DHRS3: variants seen among roughly 807,000 people sequenced by gnomAD.
DHRS3 encodes dehydrogenase/reductase 3.
A neutral mutation model predicts 27.2 loss-of-function variants in DHRS3; 14 were observed. The observed-to-expected ratio is 0.52, with a 90% CI of 0.34 to 0.81. DHRS3 has a LOEUF of 0.81. Ranked by LOEUF, DHRS3 falls within the 30% of genes least tolerant of loss-of-function variation. The probability of loss-of-function intolerance (pLI) is 0.01; values close to 1 mark genes in which losing one functional copy is unlikely to be tolerated. For synonymous variants in DHRS3, 165 were observed against 175.9 expected, an observed-to-expected ratio of 0.94 and a Z score of 0.49; for missense variants, 322 against 406.2, an observed-to-expected ratio of 0.79 and a Z score of 1.78.
chr1:12,613,910 C>T (rs964667143), intron 1 of DHRS3, among the ~76,000 whole-genome samples: 12 of 152,196 alleles, frequency 7.9e-5, no homozygotes, highest in South Asian at 4.2e-4. Flanking sequence ...GCTGGGATTA[C>T]GGGCGCTTAC....
In DHRS3 at chr1:12,609,373, G is replaced by T. The variant is rs576285265; in HGVS notation, c.195+7781C>A. 2.3e-4 allele frequency among the ~76,000 whole-genome samples: 35 copies of T among 152,310 alleles called. No homozygotes were observed. The South Asian group carries it at 6.2e-3, about 27-fold the overall frequency. On this transcript the variant is annotated intron_variant, in intron 1 of 5. Coordinates refer to ENST00000616661, the MANE Select transcript of DHRS3 (RefSeq NM_004753.7). ...CAGCAAGAAAGATCAGGATCTGGCTGGGAGCAGGGCTGCCCAGCAGAGCCC... is the reference window on the plus strand; with the variant it reads ...CAGCAAGAAAGATCAGGATCTGGCTTGGAGCAGGGCTGCCCAGCAGAGCCC...
chr1:12,610,201 C>G (rs1428559096), intron 1 of DHRS3, among the ~76,000 whole-genome samples: 3 of 152,078 alleles, frequency 2.0e-5, no homozygotes, highest in African/African-American at 7.2e-5. Flanking sequence ...GCCTCAGACT[C>G]CCAAGTAGCT....
chr1:12,599,606 T>G (rs1646822026), intron 1 of DHRS3, among the ~76,000 whole-genome samples: 1 of 152,036 alleles, frequency 6.6e-6, no homozygotes. Context: ...CACTCCCTGC[T>G]CACACTTTTG....
chr1:12,607,345 T>C (rs1484321957), intron 1 of DHRS3, among the ~76,000 whole-genome samples: 1 of 152,174 alleles, frequency 6.6e-6, no homozygotes, highest in African/African-American at 2.4e-5. Context: ...ATAATCCCCA[T>C]AATCCCCATC....
chr1:12,581,678 G>A (rs987526562), intron 1 of DHRS3, among the ~76,000 whole-genome samples: 3 of 152,296 alleles, frequency 2.0e-5, no homozygotes, highest in Non-Finnish European at 4.4e-5. Flanking sequence ...AACGGAGGAC[G>A]ACGCACCTCC....
At chr1:12,576,283 C>A (rs1346536764) in intron 4 of DHRS3, among the ~76,000 whole-genome samples, 1 of 151,914 alleles carries the variant, frequency 6.6e-6, no homozygotes, top group Non-Finnish European at 1.5e-5. Flanking sequence ...AGACTGCCGG[C>A]TGGGCGTGGT....
intron 4 of DHRS3, among the ~76,000 whole-genome samples, chr1:12,577,178 G>A (rs1213403615): frequency 6.6e-6 from 1 of 152,064 alleles, no homozygotes; most frequent in Non-Finnish European, 1.5e-5. Context: ...CAAAAAACCA[G>A]GGAGAATAGT....
intron 1 of DHRS3, among the ~76,000 whole-genome samples, chr1:12,587,637 A>G (rs1646709016): frequency 6.6e-6 from 1 of 152,112 alleles, no homozygotes; most frequent in Non-Finnish European, 1.5e-5. Context: ...AGCCCAGGGG[A>G]CAGAGGCTGC....
chr1:12,609,399 T>C (rs6541045), intron 1 of DHRS3, among the ~76,000 whole-genome samples: 95,919 of 152,044 alleles, frequency 0.63, 30,838 homozygotes, highest in African/African-American at 0.76. Flanking sequence ...AGCAGAGCCC[T>C]GAGGGCTGGG....
At position 12,592,716 on chromosome 1, in the gene DHRS3, A is replaced by G. The variant is rs765122702; in HGVS notation, c.196-12050T>C. 2.6e-5 allele frequency among the ~76,000 whole-genome samples: 4 copies of G among 152,210 alleles called. No homozygotes were observed. Among genetic ancestry groups the G allele is most frequent in the Non-Finnish European group, 5.9e-5 (4 of 68,034 alleles). On this transcript the variant is annotated intron_variant, in intron 1 of 5. Transcript: ENST00000616661. This position sits in a 1 kb window ranked among gnomAD's most constrained non-coding sequence, Gnocchi z 4.2. ...CAGGAAACTAACACAAATGGGCTCC[A>G]TTATCCTCATTCAATAGAGGAGGCC...
intron 4 of DHRS3, among the ~76,000 whole-genome samples, chr1:12,573,323 C>A (rs1646556012): frequency 6.6e-6 from 1 of 152,210 alleles, no homozygotes; most frequent in African/African-American, 2.4e-5. Flanking sequence ...ACATTTCAGG[C>A]CAGTCCATCC....
chr1:12,587,723 AAAAACAAAACAAAAC>A (rs56072193), intron 1 of DHRS3, among the ~76,000 whole-genome samples: 95 of 150,948 alleles, frequency 6.3e-4, no homozygotes, highest in Non-Finnish European at 1.2e-3. Flanking sequence ...ACAAAAACCA[AAAAACAAAACAAAAC>A]AAAACAAAAC....
intron 1 of DHRS3, among the ~76,000 whole-genome samples, chr1:12,616,360 C>A (rs2100733469): frequency 6.6e-6 from 1 of 152,280 alleles, no homozygotes; most frequent in Admixed American, 6.5e-5. Flanking sequence ...CCCACTCTCC[C>A]CACTCTGGCA....
At chr1:12,616,829 G>A in intron 1 of DHRS3, 7 of 1,067,058 alleles carry the variant, frequency 6.6e-6, no homozygotes, top group Non-Finnish European at 8.4e-6. Flanking sequence ...GGGGGAAGGC[G>A]GGGGAGGGGG....
At chr1:12,579,237 T>A in intron 3 of DHRS3, 56 bp downstream of exon 3, 1 of 1,613,374 alleles carries the variant, frequency 6.2e-7, no homozygotes, top group African/African-American at 1.3e-5. Flanking sequence ...CTCCCCTCCA[T>A]CCTGCCTGGG....
At chr1:12,607,165 C>T (rs1646877516) in intron 1 of DHRS3, among the ~76,000 whole-genome samples, 1 of 152,238 alleles carries the variant, frequency 6.6e-6, no homozygotes, top group South Asian at 2.1e-4. Context: ...ATTCATTCCT[C>T]TCATCAAACA....
In DHRS3 at chr1:12,580,645, C is replaced by T. The variant is rs761509737; in HGVS notation, c.217G>A (p.Glu73Lys). 8.1e-6 allele frequency: 13 copies of T among 1,613,818 alleles called. No individual in the cohort carries two copies. Among genetic ancestry groups the T allele is most frequent in the South Asian group, 1.1e-5 (1 of 91,072 alleles). The stretch of plus-strand genomic sequence containing the variant: ...TCCGTCGTCTCCTTCAGGCATTTCT[C>T]AGTCCGGCCCCAGAGAACAATCTGG... Reference protein sequence around the residue: ...ARKIVLWGRTEKCLKETTEEI... With the variant: ...ARKIVLWGRTKKCLKETTEEI... The change falls in exon 2 of 6, where the codon GAG becomes AAG. Residue 73 changes from glutamate (E) to lysine (K), a missense_variant. By Grantham distance (56) the Glu-to-Lys change is moderately conservative. Coordinates refer to ENST00000616661, the MANE Select transcript of DHRS3 (RefSeq NM_004753.7).
chr1:12,572,421 C>T (rs538591247), intron 5 of DHRS3, among the ~76,000 whole-genome samples: 19 of 152,312 alleles, frequency 1.2e-4, no homozygotes, highest in African/African-American at 3.4e-4. Context: ...CCACCTGCCT[C>T]GGCCTCCCAA....
At chr1:12,585,235 G>GTGTGTGTGTCT (rs1491315376) in intron 1 of DHRS3, among the ~76,000 whole-genome samples, 10 of 150,084 alleles carry the variant, frequency 6.7e-5, no homozygotes, top group East Asian at 1.9e-4. Flanking sequence ...GTGTCTATGT[G>GTGTGTGTGTCT]AGTGTGTGTC....
Sources: allele counts gnomAD v4.1 joint callset (sites outside exome capture counted in the v4.1 genomes callset), GRCh38; gene constraint gnomAD v4.1.1; non-coding constraint Gnocchi (gnomAD v3.1); transcripts MANE v1.5; gene names NCBI Gene and HGNC (gene_info 2026-07-23, HGNC 2026-07-21).